Variants in RNF220 observed in about 807,000 individuals in gnomAD.
RNF220 encodes ring finger protein 220, also known as E3 ubiquitin-protein ligase RNF220.
RNF220 carries 7 observed loss-of-function variants against 67.1 expected under a neutral mutation model. The observed-to-expected ratio is 0.10, with a 90% CI of 0.06 to 0.20. The LOEUF (loss-of-function observed/expected upper bound fraction) is 0.20, where lower values mean the gene tolerates loss of function less well. Ranked by LOEUF, RNF220 falls within the 10% of genes least tolerant of loss-of-function variation. The pLI is 1.00. For synonymous variants in RNF220, 270 were observed against 283.2 expected, an observed-to-expected ratio of 0.95 and a Z score of 0.47; for missense variants, 565 against 740.3, an observed-to-expected ratio of 0.76 and a Z score of 2.75.
At chr1:44,551,149 C>T (rs1248894898) in intron 2 of RNF220, among the ~76,000 whole-genome samples, 1 of 117,436 alleles carries the variant, frequency 8.5e-6, no homozygotes, top group Non-Finnish European at 1.6e-5. Flanking sequence ...TTGAGGCGCT[C>T]TGTCGCCCAG....
chr1:44,511,134 A>G (rs781790), intron 2 of RNF220, among the ~76,000 whole-genome samples: 40,879 of 152,060 alleles, frequency 0.27, 5,900 homozygotes, highest in African/African-American at 0.36. Context: ...CCTGAGGAAG[A>G]GAAGGCTAGA....
intron 1 of RNF220, among the ~76,000 whole-genome samples, chr1:44,411,227 G>C (rs750838149): frequency 3.3e-5 from 5 of 152,178 alleles, no homozygotes; most frequent in Non-Finnish European, 7.3e-5. Context: ...TTTAAGTGTT[G>C]TCAGAGACGC....
intron 2 of RNF220, among the ~76,000 whole-genome samples, chr1:44,532,187 G>A (rs1473321287): frequency 6.6e-6 from 1 of 152,124 alleles, no homozygotes; most frequent in South Asian, 2.1e-4. Context: ...GCCCAGACCT[G>A]CCCTGTCCAA....
At chr1:44,427,036 C>T (rs1188608136) in intron 2 of RNF220, among the ~76,000 whole-genome samples, 1 of 152,152 alleles carries the variant, frequency 6.6e-6, no homozygotes, top group Non-Finnish European at 1.5e-5. Flanking sequence ...ACACTTCAAG[C>T]ACTTTCTATA....
intron 2 of RNF220, among the ~76,000 whole-genome samples, chr1:44,478,510 C>G (rs1292287022): frequency 6.6e-6 from 1 of 151,914 alleles, no homozygotes; most frequent in Non-Finnish European, 1.5e-5. Flanking sequence ...TCACCTGAAG[C>G]TAGGAGCTCG....
rs1648751585 is a variant in RNF220, at chr1:44,417,979, C to T, written c.625+5257C>T. Among the ~76,000 whole-genome samples the T allele has an allele frequency of 6.6e-6, 1 of 151,972 alleles. No individual in the cohort carries two copies. Among genetic ancestry groups the T allele is most frequent in the African/African-American group, 2.4e-5 (1 of 41,390 alleles). Reference sequence around the variant, plus strand: ...GGAGCGCCCAGCCCGCGGCCGCACACACGAGGGCCCGTCGCGCCCCCCGCC... The same window carrying T: ...GGAGCGCCCAGCCCGCGGCCGCACATACGAGGGCCCGTCGCGCCCCCCGCC... On this transcript the variant is annotated intron_variant, in intron 2 of 14. Transcript: ENST00000361799. This position sits in a 1 kb window ranked among gnomAD's most constrained non-coding sequence, Gnocchi z 4.0.
chr1:44,530,786 A>G (rs1336991705), intron 2 of RNF220, among the ~76,000 whole-genome samples: 5 of 152,042 alleles, frequency 3.3e-5, no homozygotes, highest in Non-Finnish European at 7.4e-5. Context: ...CAACGTGGTA[A>G]AACCCTGTCT....
intron 2 of RNF220, among the ~76,000 whole-genome samples, chr1:44,430,074 G>GAA (rs371193453): frequency 3.2e-5 from 4 of 126,266 alleles, no homozygotes; most frequent in Non-Finnish European, 6.8e-5. Context: ...GATACAGAGA[G>GAA]AAAAAAAAAA....
chr1:44,577,297 C>A (rs180957223), intron 2 of RNF220, among the ~76,000 whole-genome samples: 80 of 151,590 alleles, frequency 5.3e-4, no homozygotes, highest in Non-Finnish European at 9.0e-4. Flanking sequence ...TGCAGTGCAC[C>A]CCCTCTTACC....
intron 1 of RNF220, among the ~76,000 whole-genome samples, chr1:44,406,607 G>C (rs1166533064): frequency 2.6e-5 from 4 of 152,256 alleles, no homozygotes; most frequent in Admixed American, 6.5e-5. Flanking sequence ...CGCCGCGCTT[G>C]TCAGCCCGGG....
chr1:44,558,085 TGAA>T (rs1663260779), intron 2 of RNF220, among the ~76,000 whole-genome samples: 1 of 152,234 alleles, frequency 6.6e-6, no homozygotes. Context: ...ACTGTCTAAA[TGAA>T]GAAGGATTTC....
chr1:44,517,245 A>G (rs1391031951), intron 2 of RNF220, among the ~76,000 whole-genome samples: 6 of 152,080 alleles, frequency 3.9e-5, no homozygotes, highest in African/African-American at 7.2e-5. Flanking sequence ...TTTAAGAGAT[A>G]TGACCCCTAG....
chr1:44,488,956 C>G (rs1656607161), intron 2 of RNF220, among the ~76,000 whole-genome samples: 1 of 152,102 alleles, frequency 6.6e-6, no homozygotes, highest in South Asian at 2.1e-4. Context: ...GTCTCTAACT[C>G]CTGGCCTCAA....
chr1:44,450,302 G>A (rs979316423), intron 2 of RNF220, among the ~76,000 whole-genome samples: 3 of 152,060 alleles, frequency 2.0e-5, no homozygotes, highest in Non-Finnish European at 4.4e-5. Context: ...AGATATAGCA[G>A]GAGGTTGGGT....
intron 2 of RNF220, among the ~76,000 whole-genome samples, chr1:44,427,662 A>C (rs1033253874): frequency 3.9e-5 from 6 of 152,230 alleles, no homozygotes; most frequent in Non-Finnish European, 7.3e-5. Flanking sequence ...GTTTAAGAAG[A>C]GCTAAATCTG....
intron 2 of RNF220, among the ~76,000 whole-genome samples, chr1:44,589,246 C>T (rs1027198842): frequency 2.0e-5 from 3 of 152,238 alleles, no homozygotes; most frequent in African/African-American, 7.2e-5. Context: ...CATTTCCCAG[C>T]TGTGTGACCT....
intron 2 of RNF220, among the ~76,000 whole-genome samples, chr1:44,599,702 A>G (rs1666782374): frequency 6.6e-6 from 1 of 152,182 alleles, no homozygotes; most frequent in Non-Finnish European, 1.5e-5. Context: ...CCATGGGGAG[A>G]TGATGGCATG....
chr1:44,553,192 T>A (rs1662804870), intron 2 of RNF220, among the ~76,000 whole-genome samples: 1 of 89,074 alleles, frequency 1.1e-5, no homozygotes, highest in Non-Finnish European at 3.0e-5. Context: ...GCACTCCTCA[T>A]ACCCACTCTT....
chr1:44,619,051 G>A (rs1442090536), intron 3 of RNF220, among the ~76,000 whole-genome samples: 1 of 151,892 alleles, frequency 6.6e-6, no homozygotes, highest in Admixed American at 6.6e-5. Flanking sequence ...GAGACAGGCA[G>A]GGACATAGAT....
Sources: allele counts gnomAD v4.1 joint callset (sites outside exome capture counted in the v4.1 genomes callset), GRCh38; gene constraint gnomAD v4.1.1; non-coding constraint Gnocchi (gnomAD v3.1); transcripts MANE v1.5; gene names NCBI Gene and HGNC (gene_info 2026-07-23, HGNC 2026-07-21).